Variants in ADAMTS3 observed in about 807,000 individuals in gnomAD.
ADAMTS3 encodes the protein ADAM metallopeptidase with thrombospondin type 1 motif 3, also known as A disintegrin and metalloproteinase with thrombospondin motifs 3.
ADAMTS3 carries 73 observed loss-of-function variants against 129.0 expected under a neutral mutation model. The ratio of observed to expected loss-of-function variants is 0.57; its 90% CI spans 0.47 to 0.69. The LOEUF (loss-of-function observed/expected upper bound fraction) is 0.69, where lower values mean the gene tolerates loss of function less well. ADAMTS3 is among the 30% of genes least tolerant of loss of function. The pLI, the probability that ADAMTS3 is intolerant of heterozygous loss-of-function variation, is 0.00. For missense variants in ADAMTS3, 1,457 were observed against 1,514.5 expected (o/e 0.96, Z 0.63); for synonymous variants, 477 against 510.8 (o/e 0.93, Z 0.89).
chr4:72,463,111 C>A (rs1186101122), intron 3 of ADAMTS3, among the ~76,000 whole-genome samples: 1 of 151,866 alleles, frequency 6.6e-6, no homozygotes, highest in Non-Finnish European at 1.5e-5. Flanking sequence ...TGTTTAGATA[C>A]ACAAAAACTT....
chr4:72,430,168 G>GT (rs1722663551), intron 3 of ADAMTS3, among the ~76,000 whole-genome samples: 1 of 151,848 alleles, frequency 6.6e-6, no homozygotes, highest in Non-Finnish European at 1.5e-5. Context: ...TGTGACCTTG[G>GT]CACTCCCTCA....
intron 5 of ADAMTS3, among the ~76,000 whole-genome samples, chr4:72,332,602 G>A (rs1169756283): frequency 1.5e-4 from 23 of 151,984 alleles, no homozygotes; most frequent in Admixed American, 1.5e-3. Flanking sequence ...TATTTACAGG[G>A]CCCTAAAAAT....
chr4:72,328,485 C>A (rs1366222561), intron 5 of ADAMTS3, among the ~76,000 whole-genome samples: 1 of 152,134 alleles, frequency 6.6e-6, no homozygotes, highest in Non-Finnish European at 1.5e-5. Flanking sequence ...TCTTGAGAGG[C>A]TGGATAGCTT....
intron 3 of ADAMTS3, among the ~76,000 whole-genome samples, chr4:72,457,173 T>C (rs1718646597): frequency 6.6e-6 from 1 of 151,690 alleles, no homozygotes. Flanking sequence ...ACCTGAAATG[T>C]TCTACATTAT....
At chr4:72,563,653 G>A (rs1721957432) in intron 2 of ADAMTS3, among the ~76,000 whole-genome samples, 1 of 152,104 alleles carries the variant, frequency 6.6e-6, no homozygotes, top group Non-Finnish European at 1.5e-5. Flanking sequence ...GTCCCAAGAG[G>A]CCTTGATAAC....
intron 3 of ADAMTS3, among the ~76,000 whole-genome samples, chr4:72,488,397 G>T (rs1278912433): frequency 6.6e-6 from 1 of 151,860 alleles, no homozygotes; most frequent in Non-Finnish European, 1.5e-5. Context: ...TTGCATCAAG[G>T]TTACTAGTCA....
chr4:72,289,704 T>C (rs1337632439), intron 20 of ADAMTS3, among the ~76,000 whole-genome samples: 1 of 152,136 alleles, frequency 6.6e-6, no homozygotes, highest in Non-Finnish European at 1.5e-5. Context: ...CATGGGTTAA[T>C]GCTATTATCT....
chr4:72,447,645 GAGA>G (rs1321862697), intron 3 of ADAMTS3, among the ~76,000 whole-genome samples: 4 of 151,674 alleles, frequency 2.6e-5, no homozygotes, highest in Non-Finnish European at 5.9e-5. Flanking sequence ...AAGATTAATA[GAGA>G]AGATCTTTCA....
rs188762000 is a variant in ADAMTS3, at chr4:72,293,103, G to A, written c.2724-2041C>T. Among the ~76,000 whole-genome samples, 166 of 152,226 alleles carry A rather than the reference G, an allele frequency of 1.1e-3. 1 individual carries two copies. Among genetic ancestry groups the A allele is most frequent in the African/African-American group, 3.9e-3 (161 of 41,558 alleles). ...GAACCTAGAAGACAGATGGACATAT[G>A]GAAACTAACTCAGCAGATCTAAGAA... On this transcript the variant is annotated intron_variant, in intron 19 of 21. Transcript: ENST00000286657.
At chr4:72,327,276 G>T (rs1267514146) in intron 5 of ADAMTS3, among the ~76,000 whole-genome samples, 1 of 152,046 alleles carries the variant, frequency 6.6e-6, no homozygotes, top group East Asian at 1.9e-4. Flanking sequence ...GTCAAGATGG[G>T]CTAAATTCTT....
At chr4:72,350,097 C>T (rs1214790351) in intron 4 of ADAMTS3, among the ~76,000 whole-genome samples, 1 of 151,960 alleles carries the variant, frequency 6.6e-6, no homozygotes, top group Non-Finnish European at 1.5e-5. Context: ...AATTTAATAA[C>T]AAACCTTTTT....
chr4:72,530,573 T>C (rs1720992769), intron 3 of ADAMTS3, among the ~76,000 whole-genome samples: 1 of 43,872 alleles, frequency 2.3e-5, no homozygotes. Context: ...AATATTAATT[T>C]AATATATATT....
At position 72,568,964 on chromosome 4, in the gene ADAMTS3, C is replaced by T. The variant is rs1722094395; in HGVS notation, c.-202G>A. 1.6e-6 allele frequency: 1 copy of T among 609,748 alleles called. No individual in the cohort carries two copies. The highest frequency in any genetic ancestry group is 1.9e-5 in the African/African-American group (1 of 53,918). 37.8% of individuals were successfully genotyped at this position (609,748 alleles called of 1,614,324 possible). Reference sequence around the variant, plus strand: ...GGCCCCCTCTGCTCTGCAGTTTTTTCCACTTCACCTTCTCACCCCGTCCTC... The same window carrying T: ...GGCCCCCTCTGCTCTGCAGTTTTTTTCACTTCACCTTCTCACCCCGTCCTC... On this transcript the variant is annotated 5_prime_UTR_variant, in exon 1 of 22. Transcript: ENST00000286657.
chr4:72,364,227 AAG>A (rs1346190575), intron 4 of ADAMTS3, among the ~76,000 whole-genome samples: 3 of 151,978 alleles, frequency 2.0e-5, no homozygotes, highest in African/African-American at 7.2e-5. Flanking sequence ...CAAACACACA[AAG>A]AGAGAAAAAA....
chr4:72,557,183 A>C lies in ADAMTS3; in HGVS notation c.98-8299T>G, dbSNP rs148903967. 3.9e-5 allele frequency among the ~76,000 whole-genome samples: 6 copies of C among 151,960 alleles called. 1 individual carries two copies. The highest frequency in any genetic ancestry group is 1.2e-4 in the African/African-American group (5 of 41,226). On this transcript the variant is annotated intron_variant, in intron 2 of 21. Coordinates refer to ENST00000286657, the MANE Select transcript of ADAMTS3 (RefSeq NM_014243.3). ...TAAGCATTTTCAAGATCATCTAAAG[A>C]AGCAGCTCCAACAACAACATTTCCA...
chr4:72,526,755 T>C (rs1048430266), intron 3 of ADAMTS3, among the ~76,000 whole-genome samples: 80 of 67,798 alleles, frequency 1.2e-3, no homozygotes, highest in African/African-American at 3.4e-3. Context: ...TATATATATA[T>C]ATATATATAT....
intron 3 of ADAMTS3, among the ~76,000 whole-genome samples, chr4:72,539,680 G>A (rs1168062183): frequency 6.6e-6 from 1 of 152,102 alleles, no homozygotes; most frequent in Non-Finnish European, 1.5e-5. Context: ...GGAGGAACCT[G>A]GTGGGAGGTG....
At chr4:72,500,960 C>A (rs1018467395) in intron 3 of ADAMTS3, among the ~76,000 whole-genome samples, 1 of 152,012 alleles carries the variant, frequency 6.6e-6, no homozygotes, top group African/African-American at 2.4e-5. Flanking sequence ...CTATTTTGTT[C>A]CATTGGTCTA....
chr4:72,385,323 T>TA (rs146500188), intron 4 of ADAMTS3, among the ~76,000 whole-genome samples: 16 of 152,058 alleles, frequency 1.1e-4, no homozygotes, highest in Non-Finnish European at 1.9e-4. Flanking sequence ...CAGTGGCCAT[T>TA]AAAAAAATAA....
Sources: gnomAD v4.1 joint callset for allele counts (sites outside exome capture counted in the v4.1 genomes callset) on GRCh38, gnomAD v4.1.1 for gene constraint, MANE v1.5 for transcripts, NCBI Gene and HGNC (gene_info 2026-07-23, HGNC 2026-07-21) for gene names.